The following EPHA6 variants were observed in gnomAD, a reference collection of about 807,000 sequenced individuals.
EPHA6 encodes the protein EPH receptor A6.
A neutral mutation model predicts 112.0 loss-of-function variants in EPHA6; 50 were observed. That is an observed-to-expected ratio of 0.45 (90% CI 0.36 to 0.56). The LOEUF is 0.56. Ranked by LOEUF, EPHA6 falls within the 20% of genes least tolerant of loss-of-function variation. The pLI is 0.00. For synonymous variants in EPHA6, 529 were observed against 490.7 expected (o/e 1.08, Z -1.03); for missense variants, 1,280 against 1,417.4 (o/e 0.90, Z 1.56).
At chr3:97,306,054 C>T (rs984906394) in intron 5 of EPHA6, among the ~76,000 whole-genome samples, 3 of 151,712 alleles carry the variant, frequency 2.0e-5, no homozygotes, top group Admixed American at 1.3e-4. Context: ...ATATGAGACT[C>T]AGAAAATAAA....
chr3:97,207,104 G>C (rs1389682119), intron 3 of EPHA6, among the ~76,000 whole-genome samples: 1 of 151,888 alleles, frequency 6.6e-6, no homozygotes, highest in Non-Finnish European at 1.5e-5. Context: ...TCTTGAATAT[G>C]GTATTTCTTT....
intron 3 of EPHA6, among the ~76,000 whole-genome samples, chr3:97,143,027 G>C (rs534639382): frequency 6.6e-6 from 1 of 151,804 alleles, no homozygotes; most frequent in South Asian, 2.1e-4. Context: ...AATTGGAAAA[G>C]AGGAAGTCCA....
chr3:97,113,443 G>T (rs2047782976), intron 3 of EPHA6, among the ~76,000 whole-genome samples: 1 of 152,132 alleles, frequency 6.6e-6, no homozygotes, highest in Admixed American at 6.6e-5. Context: ...AGGCAAGGAA[G>T]GAGCCTAACT....
chr3:97,263,884 G>A (rs957928275), intron 5 of EPHA6, among the ~76,000 whole-genome samples: 7 of 152,108 alleles, frequency 4.6e-5, no homozygotes, highest in African/African-American at 1.7e-4. Flanking sequence ...GTACATCATT[G>A]TAGTTTTCTG....
intron 5 of EPHA6, among the ~76,000 whole-genome samples, chr3:97,257,973 T>G (rs1430837785): frequency 6.6e-6 from 1 of 152,080 alleles, no homozygotes; most frequent in Admixed American, 6.5e-5. Flanking sequence ...TACCAATGTT[T>G]TTCTCTGTGT....
At chr3:97,118,570 T>C (rs2047958238) in intron 3 of EPHA6, among the ~76,000 whole-genome samples, 1 of 151,908 alleles carries the variant, frequency 6.6e-6, no homozygotes, top group Non-Finnish European at 1.5e-5. Context: ...TTCTGTTTTT[T>C]GCTAAGTGGT....
intron 11 of EPHA6, among the ~76,000 whole-genome samples, chr3:97,533,580 G>A (rs550172566): frequency 7.9e-5 from 12 of 152,118 alleles, no homozygotes; most frequent in East Asian, 5.8e-4. Flanking sequence ...TGTTCATGTC[G>A]TTGTGTAGTT....
intron 2 of EPHA6, among the ~76,000 whole-genome samples, chr3:96,913,682 C>T (rs534443344): frequency 6.6e-6 from 1 of 152,086 alleles, no homozygotes; most frequent in Non-Finnish European, 1.5e-5. Context: ...TGGTTTATTG[C>T]TGTACTCTCC....
intron 3 of EPHA6, among the ~76,000 whole-genome samples, chr3:97,088,232 A>C (rs2108221101): frequency 6.6e-6 from 1 of 152,228 alleles, no homozygotes; most frequent in Non-Finnish European, 1.5e-5. Context: ...AGGGGGGTTA[A>C]ATCACTTGTT....
chr3:97,727,381 G>A (rs1454186198), intron 15 of EPHA6, among the ~76,000 whole-genome samples: 2 of 152,010 alleles, frequency 1.3e-5, no homozygotes, highest in African/African-American at 4.8e-5. Context: ...CCAAATTTAA[G>A]AAGGAAGAAA....
intron 3 of EPHA6, among the ~76,000 whole-genome samples, chr3:97,057,054 C>G (rs1393439474): frequency 6.6e-6 from 1 of 152,082 alleles, no homozygotes; most frequent in African/African-American, 2.4e-5. Flanking sequence ...AGATAAATTG[C>G]AGAGTTACAT....
At chr3:96,893,852 G>T (rs2038115497) in intron 2 of EPHA6, among the ~76,000 whole-genome samples, 1 of 152,172 alleles carries the variant, frequency 6.6e-6, no homozygotes, top group Admixed American at 6.5e-5. Flanking sequence ...TTGTTTAAAT[G>T]ATTCAAGAAT....
intron 3 of EPHA6, among the ~76,000 whole-genome samples, chr3:97,027,935 G>T (rs937289934): frequency 6.6e-6 from 1 of 152,090 alleles, no homozygotes; most frequent in Non-Finnish European, 1.5e-5. Context: ...CCAAATTCCC[G>T]TATCCTGGTC....
At chr3:96,817,414 GA>G (rs2032886566) in intron 1 of EPHA6, among the ~76,000 whole-genome samples, 1 of 151,676 alleles carries the variant, frequency 6.6e-6, no homozygotes, top group African/African-American at 2.4e-5. Flanking sequence ...TTTAAACATG[GA>G]AAATGGGACA....
At chr3:97,392,500 A>T (rs2086467845) in intron 5 of EPHA6, among the ~76,000 whole-genome samples, 1 of 151,726 alleles carries the variant, frequency 6.6e-6, no homozygotes, top group Non-Finnish European at 1.5e-5. Flanking sequence ...TACAAAAAAA[A>T]TGGAATCATG....
chr3:96,894,301 G>A (rs2038143142), intron 2 of EPHA6, among the ~76,000 whole-genome samples: 1 of 152,108 alleles, frequency 6.6e-6, no homozygotes, highest in Non-Finnish European at 1.5e-5. Flanking sequence ...GAGAGATACT[G>A]TTTGAAGAAT....
chr3:96,879,306 A>G (rs572430480), intron 2 of EPHA6, among the ~76,000 whole-genome samples: 24 of 152,232 alleles, frequency 1.6e-4, no homozygotes, highest in Admixed American at 9.8e-4. Context: ...TCTATCTACC[A>G]TAAACAAACA....
Position 97,751,338 on chromosome 3 carries a change from T to C in EPHA6, c.*2637T>C, listed in dbSNP as rs999892132. The stretch of plus-strand genomic sequence containing the variant: ...TTTTTCTTTCTCTAACATCTTTTGA[T>C]AGTATCATAAAACTACTTTTTGCTT... On this transcript the variant is annotated 3_prime_UTR_variant, in exon 18 of 18. Coordinates refer to ENST00000389672, the MANE Select transcript of EPHA6 (RefSeq NM_001080448.3). Among the ~76,000 whole-genome samples the C allele has an allele frequency of 6.6e-6, 1 of 152,142 alleles. No homozygotes were observed. The highest frequency in any genetic ancestry group is 1.5e-5 in the Non-Finnish European group (1 of 67,990).
chr3:97,398,570 T>C (rs1293451471), intron 5 of EPHA6, among the ~76,000 whole-genome samples: 1 of 151,420 alleles, frequency 6.6e-6, no homozygotes, highest in African/African-American at 2.4e-5. Flanking sequence ...CTTTATGTAA[T>C]CATATTTTCA....
Sources: gnomAD v4.1 joint callset for allele counts (sites outside exome capture counted in the v4.1 genomes callset) on GRCh38, gnomAD v4.1.1 for gene constraint, MANE v1.5 for transcripts, NCBI Gene and HGNC (gene_info 2026-07-23, HGNC 2026-07-21) for gene names.